SYT16: variants seen among roughly 807,000 people sequenced by gnomAD.
The protein encoded by SYT16 is synaptotagmin-16.
SYT16 carries 42 observed loss-of-function variants against 61.4 expected under a neutral mutation model. The ratio of observed to expected loss-of-function variants is 0.68; its 90% CI spans 0.53 to 0.89. The LOEUF (loss-of-function observed/expected upper bound fraction) is 0.89, where lower values mean the gene tolerates loss of function less well. SYT16 is among the 40% of genes least tolerant of loss of function. The pLI, the probability that SYT16 is intolerant of heterozygous loss-of-function variation, is 0.00. For synonymous variants in SYT16, 314 were observed against 302.3 expected (o/e 1.04, Z -0.40); for missense variants, 804 against 807.3 (o/e 1.00, Z 0.05).
chr14:61,902,338 G>T (rs183382120), intron 1 of SYT16, among the ~76,000 whole-genome samples: 2 of 152,108 alleles, frequency 1.3e-5, no homozygotes, highest in East Asian at 1.9e-4. Flanking sequence ...TCTCCCATGC[G>T]CCTGATAAAA....
At chr14:62,000,839 T>G (rs932295343) in intron 3 of SYT16, among the ~76,000 whole-genome samples, 5 of 149,716 alleles carry the variant, frequency 3.3e-5, no homozygotes, top group African/African-American at 1.3e-4. Context: ...CTGCTTATCC[T>G]TTGTTTTATT....
chr14:62,076,595 A>G (rs1034730455), intron 5 of SYT16, among the ~76,000 whole-genome samples: 4 of 152,162 alleles, frequency 2.6e-5, no homozygotes, highest in South Asian at 2.1e-4. Context: ...GGTAGCTCAC[A>G]TATGTGGTTT....
At chr14:61,996,637 T>A in intron 3 of SYT16, 95 bp downstream of exon 3, 1 of 1,445,986 alleles carries the variant, frequency 6.9e-7, no homozygotes, top group Non-Finnish European at 9.2e-7. Flanking sequence ...GTGGATTTTA[T>A]TTTTCTCTCT....
intron 2 of SYT16, among the ~76,000 whole-genome samples, chr14:61,993,171 C>T (rs570329278): frequency 5.2e-4 from 79 of 151,810 alleles, no homozygotes; most frequent in African/African-American, 1.9e-3. Context: ...AAGTTTTCTA[C>T]CAAACATCAC....
At chr14:61,948,428 A>T (rs960661839) in intron 1 of SYT16, among the ~76,000 whole-genome samples, 1 of 151,912 alleles carries the variant, frequency 6.6e-6, no homozygotes, top group East Asian at 1.9e-4. Context: ...AAAAAAAAAA[A>T]TTCTAAGGGA....
chr14:61,948,842 T>C (rs1251863604), intron 1 of SYT16, among the ~76,000 whole-genome samples: 1 of 152,168 alleles, frequency 6.6e-6, no homozygotes, highest in African/African-American at 2.4e-5. Flanking sequence ...AAGAGAACCC[T>C]AAACCAGGAG....
At chr14:61,911,405 C>T (rs1047269838) in intron 1 of SYT16, among the ~76,000 whole-genome samples, 4 of 152,198 alleles carry the variant, frequency 2.6e-5, no homozygotes, top group Non-Finnish European at 5.9e-5. Context: ...CACATTCTTA[C>T]AGTTCTGGAT....
intron 2 of SYT16, among the ~76,000 whole-genome samples, chr14:61,973,876 C>T (rs1217134845): frequency 6.6e-6 from 1 of 152,134 alleles, no homozygotes; most frequent in Middle Eastern, 3.2e-3. Flanking sequence ...GGTTTGGAGA[C>T]CATGAAGTGT....
chr14:61,979,123 G>T (rs566371111), intron 2 of SYT16, among the ~76,000 whole-genome samples: 1 of 152,166 alleles, frequency 6.6e-6, no homozygotes, highest in Non-Finnish European at 1.5e-5. Context: ...TTTGTAAAAT[G>T]GTGTGAATCA....
At chr14:62,057,036 C>T (rs780094141) in intron 3 of SYT16, among the ~76,000 whole-genome samples, 6 of 152,138 alleles carry the variant, frequency 3.9e-5, no homozygotes, top group Admixed American at 6.5e-5. Flanking sequence ...GAGGACACTG[C>T]GGTCGCAAAG....
intron 3 of SYT16, among the ~76,000 whole-genome samples, chr14:62,051,542 T>C (rs2140890140): frequency 6.6e-6 from 1 of 152,326 alleles, no homozygotes; most frequent in Admixed American, 6.5e-5. Flanking sequence ...AATGCAGAAA[T>C]CACCCGTCTT....
chr14:61,970,979 A>G (rs1412237096), intron 2 of SYT16, among the ~76,000 whole-genome samples: 1 of 150,486 alleles, frequency 6.6e-6, no homozygotes, highest in East Asian at 2.0e-4. Context: ...CCTTTTCCAT[A>G]CCCCACGAGG....
Position 62,069,770 on chromosome 14 carries a change from T to C in SYT16, c.691T>C (p.Leu231=). Residue 231 remains leucine (L), a synonymous_variant, in exon 4 of 8, where the codon TTG becomes CTG. Coordinates refer to ENST00000683842, the MANE Select transcript of SYT16 (RefSeq NM_001367656.1). Reference sequence around the variant, plus strand: ...GCAGAAACCAAAATTCAGCCGTTCGTTGTTGACACACGGAGAAGATGGCAC... The same window carrying C: ...GCAGAAACCAAAATTCAGCCGTTCGCTGTTGACACACGGAGAAGATGGCAC... ...LEQKPKFSRS[L]LTHGEDGTEV... The C allele has an allele frequency of 6.2e-7, 1 of 1,614,036 alleles. No individual in the cohort carries two copies. The highest frequency in any genetic ancestry group is 8.5e-7 in the Non-Finnish European group (1 of 1,179,890).
intron 3 of SYT16, among the ~76,000 whole-genome samples, chr14:62,043,718 G>A (rs865794311): frequency 6.6e-6 from 1 of 151,396 alleles, no homozygotes; most frequent in Non-Finnish European, 1.5e-5. Context: ...TGATGTTGAA[G>A]TTTTTAAAAT....
chr14:62,091,564 A>C (rs7160885), intron 7 of SYT16, among the ~76,000 whole-genome samples: 10 of 151,974 alleles, frequency 6.6e-5, no homozygotes. Flanking sequence ...AGTGACTCCA[A>C]ATGATTTTTG....
intron 1 of SYT16, among the ~76,000 whole-genome samples, chr14:61,963,063 G>A (rs1300151615): frequency 2.0e-5 from 3 of 152,044 alleles, no homozygotes; most frequent in Non-Finnish European, 4.4e-5. Flanking sequence ...TAAATATTGT[G>A]TAAGTTCTGA....
intron 3 of SYT16, among the ~76,000 whole-genome samples, chr14:62,011,688 A>T (rs2053455554): frequency 6.6e-6 from 1 of 152,062 alleles, no homozygotes; most frequent in South Asian, 2.1e-4. Context: ...GCTCTATTAG[A>T]GGAGTCAATG....
chr14:62,012,965 G>A (rs2053527819), intron 3 of SYT16, among the ~76,000 whole-genome samples: 1 of 152,140 alleles, frequency 6.6e-6, no homozygotes, highest in South Asian at 2.1e-4. Flanking sequence ...AATCCTTATT[G>A]GTTTTGTAGA....
Position 61,817,015 on chromosome 14 carries a change from AC to A in SYT16, c.-325+4206del, listed in dbSNP as rs879455020. ...GACAGAGTGAGGCTCCGTCACACAC[AC>A]ACACACACACACAAAAAAAGCATTT... On this transcript the variant is annotated intron_variant, in intron 1 of 7. Coordinates refer to ENST00000683842, the MANE Select transcript of SYT16 (RefSeq NM_001367656.1). Among the ~76,000 whole-genome samples the A allele has an allele frequency of 8.1e-3, 1,088 of 133,690 alleles. 24 individuals are homozygous for A. The highest frequency in any genetic ancestry group is 0.012 in the Non-Finnish European group (731 of 60,404). The allele number at this position is 133,690 out of a possible 152,430, so 87.7% of individuals were successfully genotyped here.
Sources: allele counts gnomAD v4.1 joint callset (sites outside exome capture counted in the v4.1 genomes callset), GRCh38; gene constraint gnomAD v4.1.1; transcripts MANE v1.5; gene names NCBI Gene and HGNC (gene_info 2026-07-23, HGNC 2026-07-21).